VAV2: variants seen among roughly 807,000 people sequenced by gnomAD.
The protein encoded by VAV2 is vav guanine nucleotide exchange factor 2, also known as guanine nucleotide exchange factor VAV2.
Under a neutral mutation model 132.5 loss-of-function variants are expected in VAV2, and 67 were observed. The ratio of observed to expected loss-of-function variants is 0.51; its 90% CI spans 0.42 to 0.62. VAV2 has a LOEUF of 0.62. Ranked by LOEUF, VAV2 falls within the 20% of genes least tolerant of loss-of-function variation. The pLI is 0.00. For missense variants in VAV2, 938 were observed against 1,153.6 expected (o/e 0.81, Z 2.71); for synonymous variants, 492 against 443.5 (o/e 1.11, Z -1.37).
chr9:133,959,448 C>G (rs748391387), intron 1 of VAV2, among the ~76,000 whole-genome samples: 2 of 152,170 alleles, frequency 1.3e-5, no homozygotes, highest in Non-Finnish European at 2.9e-5. Flanking sequence ...TCTCACCACC[C>G]CTTTCACACC....
chr9:133,979,316 G>A lies in VAV2; in HGVS notation c.204+12759C>T, dbSNP rs953920642. Among the ~76,000 whole-genome samples the A allele has an allele frequency of 2.0e-5, 3 of 152,198 alleles. No individual in the cohort carries two copies. The East Asian group carries it at 5.8e-4, about 29-fold the overall frequency. Reference sequence around the variant, plus strand: ...CAGAGAGGCGCCACGGGTCTGCCACGAGGTGCTGAGCCAGGATCTGAACGC... The same window carrying A: ...CAGAGAGGCGCCACGGGTCTGCCACAAGGTGCTGAGCCAGGATCTGAACGC... On this transcript the variant is annotated intron_variant, in intron 1 of 29. Transcript: ENST00000371850.
intron 2 of VAV2, among the ~76,000 whole-genome samples, chr9:133,887,320 G>C (rs576129878): frequency 6.6e-6 from 1 of 152,112 alleles, no homozygotes; most frequent in South Asian, 2.1e-4. Context: ...AAAGCTGAAC[G>C]CAGCTGCTCC....
In VAV2 at chr9:133,782,103, GGGCGGGGC is replaced by G. The variant is rs1376375827; in HGVS notation, c.1723+1392_1724-1394del. Among the ~76,000 whole-genome samples, 157 of 138,490 alleles carry G rather than the reference GGGCGGGGC, an allele frequency of 1.1e-3. 1 individual carries two copies. The highest frequency in any genetic ancestry group is 7.3e-3 in the South Asian group (34 of 4,646). 90.9% of individuals were successfully genotyped at this position (138,490 alleles called of 152,430 possible). A position where few individuals can be genotyped will look rare whatever the true frequency, so the allele number is the denominator to read the frequency against. The stretch of plus-strand genomic sequence containing the variant: ...AAATCAGTAATTAATAATCCGGCGG[GGGCGGGGC>G]GGGGGAGGAACAGAAAGATTACAAA... On this transcript the variant is annotated intron_variant, in intron 19 of 29. Coordinates refer to ENST00000371850, the MANE Select transcript of VAV2 (RefSeq NM_001134398.2).
rs745438539 is a variant in VAV2 at position 133,867,864 on chromosome 9, G to T, written c.322-6432C>A. On this transcript the variant is annotated intron_variant, in intron 2 of 29. Transcript: ENST00000371850. ...GGGCGGTCCACCTGGCGCCGGCTCAGCTGAGTGCTGGGCTCACAGCAGCCT... is the reference window on the plus strand; with the variant it reads ...GGGCGGTCCACCTGGCGCCGGCTCATCTGAGTGCTGGGCTCACAGCAGCCT... Among the ~76,000 whole-genome samples, 45 of 152,268 alleles carry T rather than the reference G, an allele frequency of 3.0e-4. 1 individual carries two copies. Among genetic ancestry groups the T allele is most frequent in the Non-Finnish European group, 5.7e-4 (39 of 68,042 alleles).
At chr9:133,808,038 A>G (rs1327793357) in intron 7 of VAV2, among the ~76,000 whole-genome samples, 1 of 148,702 alleles carries the variant, frequency 6.7e-6, no homozygotes, top group African/African-American at 2.4e-5. Context: ...CCAAGCAAAC[A>G]CGCCCGGGTG....
chr9:133,786,075 G>C, intron 16 of VAV2, 190 bp from the exon 17 acceptor site: 1 of 643,834 alleles, frequency 1.6e-6, no homozygotes, highest in Non-Finnish European at 2.9e-6. Context: ...ACGTGCACAC[G>C]TGCCTCTGTA....
intron 2 of VAV2, among the ~76,000 whole-genome samples, chr9:133,886,233 G>A (rs891575135): frequency 2.0e-5 from 3 of 152,194 alleles, no homozygotes; most frequent in South Asian, 2.1e-4. Context: ...AAGAAACTCC[G>A]CAAGAATAGC....
chr9:133,903,604 C>T (rs1185413435), intron 2 of VAV2, among the ~76,000 whole-genome samples: 1 of 152,220 alleles, frequency 6.6e-6, no homozygotes, highest in East Asian at 1.9e-4. Flanking sequence ...GACATGGCCT[C>T]AGCCAGCCTC....
At chr9:133,942,531 C>T (rs1425579174) in intron 1 of VAV2, among the ~76,000 whole-genome samples, 3 of 152,414 alleles carry the variant, frequency 2.0e-5, no homozygotes, top group Admixed American at 2.0e-4. Context: ...TGCGCGGCTG[C>T]ATGTGCTGCA....
chr9:133,797,594 C>A (rs1386337192), intron 10 of VAV2, 116 bp downstream of exon 10: 6 of 877,316 alleles, frequency 6.8e-6, no homozygotes, highest in South Asian at 5.2e-5. Context: ...TACGTCATCA[C>A]CCCCATCACC....
chr9:133,945,054 C>T (rs1841311774), intron 1 of VAV2, among the ~76,000 whole-genome samples: 1 of 152,170 alleles, frequency 6.6e-6, no homozygotes, highest in South Asian at 2.1e-4. Context: ...GTCACTGCAG[C>T]AATTCCTAAT....
At position 133,991,729 on chromosome 9, in the gene VAV2, C is replaced by T. The variant is rs1010158653; in HGVS notation, c.204+346G>A. ...CGACGCGCACACCCGGCTCGGCAGG[C>T]TCCCTGGGAAATGAGGGGCCACTCG... On this transcript the variant is annotated intron_variant, in intron 1 of 29. Transcript: ENST00000371850. This position sits in a 1 kb window ranked among gnomAD's most constrained non-coding sequence, Gnocchi z 4.8. Among the ~76,000 whole-genome samples, 12 of 151,356 alleles carry T rather than the reference C, an allele frequency of 7.9e-5. No individual in the cohort carries two copies. The highest frequency in any genetic ancestry group is 2.9e-4 in the African/African-American group (12 of 41,364).
At chr9:133,932,872 G>A (rs1456185730) in intron 2 of VAV2, among the ~76,000 whole-genome samples, 1 of 152,230 alleles carries the variant, frequency 6.6e-6, no homozygotes, top group Non-Finnish European at 1.5e-5. Context: ...TGCTGCCCAG[G>A]TCTCCCCAGG....
Position 133,992,051 on chromosome 9 carries a change from C to G in VAV2, c.204+24G>C, listed in dbSNP as rs543804374. The G allele has an allele frequency of 2.4e-5, 37 of 1,518,568 alleles. No individual in the cohort carries two copies. In the African/African-American group the frequency reaches 3.2e-4, roughly 13 times the overall value. The allele number at this position is 1,518,568 out of a possible 1,614,324, so 94.1% of individuals were successfully genotyped here. A position where few individuals can be genotyped will look rare whatever the true frequency, so the allele number is the denominator to read the frequency against. The stretch of plus-strand genomic sequence containing the variant: ...CAGCGCGAACGCCGCCTCCCCGGGG[C>G]CCTCCCGCCCGCCGGGCGCTCACCT... On this transcript the variant is annotated intron_variant, in intron 1 of 29. Coordinates refer to ENST00000371850, the MANE Select transcript of VAV2 (RefSeq NM_001134398.2). This position sits in a 1 kb window ranked among gnomAD's most constrained non-coding sequence, Gnocchi z 5.5.
At chr9:133,958,941 C>T (rs562519023) in intron 1 of VAV2, among the ~76,000 whole-genome samples, 11 of 152,360 alleles carry the variant, frequency 7.2e-5, no homozygotes, top group African/African-American at 2.6e-4. Flanking sequence ...CTGCGAGGTG[C>T]TCCCTGCCCC....
intron 9 of VAV2, among the ~76,000 whole-genome samples, chr9:133,798,051 T>A (rs1834791223): frequency 6.6e-6 from 1 of 151,966 alleles, no homozygotes; most frequent in Non-Finnish European, 1.5e-5. Flanking sequence ...TCTTCCTGAG[T>A]CCCAGGTGGT....
rs1415994287 is a variant in VAV2, at chr9:133,964,064, TATATAA to T, written c.205-24851_205-24846del. On this transcript the variant is annotated intron_variant, in intron 1 of 29. Transcript: ENST00000371850. The stretch of plus-strand genomic sequence containing the variant: ...ATATATATATACATATATATACATA[TATATAA>T]ATGAATAGGCCAGGTATGTTGGCTC... Among the ~76,000 whole-genome samples the T allele has an allele frequency of 1.5e-3, 205 of 138,736 alleles. 14 individuals are homozygous for T. Among genetic ancestry groups the T allele is most frequent in the South Asian group, 4.3e-3 (19 of 4,448 alleles). 91.0% of individuals were successfully genotyped at this position (138,736 alleles called of 152,430 possible).
chr9:133,980,136 G>A (rs57274418), intron 1 of VAV2, among the ~76,000 whole-genome samples: 4 of 152,278 alleles, frequency 2.6e-5, no homozygotes, highest in Non-Finnish European at 4.4e-5. Context: ...GTCAGCCCTG[G>A]GGCCATCTCT....
intron 4 of VAV2, among the ~76,000 whole-genome samples, chr9:133,818,423 C>T (rs533253360): frequency 2.0e-5 from 3 of 152,042 alleles, no homozygotes; most frequent in Non-Finnish European, 2.9e-5. Context: ...AGACATCCAC[C>T]GTCTCCTGCC....
Sources: gnomAD v4.1 joint callset for allele counts (sites outside exome capture counted in the v4.1 genomes callset) on GRCh38, gnomAD v4.1.1 for gene constraint, Gnocchi (gnomAD v3.1) non-coding constraint, MANE v1.5 for transcripts, NCBI Gene and HGNC (gene_info 2026-07-23, HGNC 2026-07-21) for gene names.